SYT10: variants seen among roughly 807,000 people sequenced by gnomAD.
The protein encoded by SYT10 is synaptotagmin 10.
Under a neutral mutation model 51.1 loss-of-function variants are expected in SYT10, and 31 were observed. The observed-to-expected ratio is 0.61, with a 90% CI of 0.46 to 0.82. The LOEUF is 0.82. Among genes scored for constraint, SYT10 ranks in the 40% least tolerant of loss-of-function variants. The probability of loss-of-function intolerance (pLI) is 0.00; values close to 1 mark genes in which losing one functional copy is unlikely to be tolerated. For missense variants in SYT10, 603 were observed against 634.0 expected (o/e 0.95, Z 0.53); for synonymous variants, 233 against 225.9 (o/e 1.03, Z -0.28).
At chr12:33,412,703 C>T (rs1866417444) in intron 2 of SYT10, among the ~76,000 whole-genome samples, 1 of 152,022 alleles carries the variant, frequency 6.6e-6, no homozygotes, top group African/African-American at 2.4e-5. Context: ...TCATCAAAGA[C>T]CAAAGGTAGA....
intron 2 of SYT10, among the ~76,000 whole-genome samples, chr12:33,422,221 A>G (rs1433568099): frequency 6.6e-6 from 1 of 152,206 alleles, no homozygotes; most frequent in African/African-American, 2.4e-5. Flanking sequence ...GTATAATCAT[A>G]GTATAACAGC....
intron 2 of SYT10, chr12:33,407,658 T>C (rs1866370744): frequency 6.9e-6 from 2 of 291,488 alleles, no homozygotes; most frequent in Admixed American, 9.6e-5. Context: ...CTAGCTGGAG[T>C]ACGGTAGTGC....
chr12:33,429,546 C>A (rs1866580604), intron 1 of SYT10, among the ~76,000 whole-genome samples: 1 of 152,060 alleles, frequency 6.6e-6, no homozygotes, highest in African/African-American at 2.4e-5. Flanking sequence ...GGTGTAGGGG[C>A]AAAGAGACAA....
chr12:33,422,289 G>GT (rs1387573292), intron 2 of SYT10, among the ~76,000 whole-genome samples: 1 of 151,874 alleles, frequency 6.6e-6, no homozygotes, highest in Non-Finnish European at 1.5e-5. Context: ...GCCACTTAAT[G>GT]TTTTTTTACA....
At chr12:33,429,304 T>A (rs1470706542) in intron 1 of SYT10, among the ~76,000 whole-genome samples, 5 of 152,214 alleles carry the variant, frequency 3.3e-5, no homozygotes, top group Non-Finnish European at 7.3e-5. Flanking sequence ...TATTTTTCTC[T>A]CCAAAGGAGG....
At chr12:33,417,220 G>C (rs1052594499) in intron 2 of SYT10, among the ~76,000 whole-genome samples, 9 of 152,108 alleles carry the variant, frequency 5.9e-5, no homozygotes, top group Non-Finnish European at 1.3e-4. Flanking sequence ...GATATGACTA[G>C]GGCATAAGGG....
chr12:33,402,958 T>G (rs992825834), intron 3 of SYT10, among the ~76,000 whole-genome samples: 1 of 151,996 alleles, frequency 6.6e-6, no homozygotes, highest in African/African-American at 2.4e-5. Flanking sequence ...AATATGATAA[T>G]AAAGCAAGTC....
At chr12:33,423,023 G>A (rs1866519078) in intron 2 of SYT10, among the ~76,000 whole-genome samples, 1 of 152,178 alleles carries the variant, frequency 6.6e-6, no homozygotes, top group African/African-American at 2.4e-5. Flanking sequence ...AAGAATATTA[G>A]TAATGAAGAA....
At chr12:33,425,728 C>T (rs373631602) in intron 2 of SYT10, among the ~76,000 whole-genome samples, 1 of 151,896 alleles carries the variant, frequency 6.6e-6, no homozygotes, top group African/African-American at 2.4e-5. Context: ...AGAGCCTCCA[C>T]GATATGCATT....
chr12:33,409,273 G>A (rs1261946540), intron 2 of SYT10, among the ~76,000 whole-genome samples: 1 of 152,014 alleles, frequency 6.6e-6, no homozygotes, highest in East Asian at 1.9e-4. Context: ...CTGGAGTGCA[G>A]TGACACAATC....
intron 3 of SYT10, among the ~76,000 whole-genome samples, chr12:33,395,931 G>A (rs1243396208): frequency 2.0e-5 from 3 of 152,212 alleles, no homozygotes; most frequent in South Asian, 2.1e-4. Context: ...CATTCAGGGC[G>A]AACAGCTGAA....
chr12:33,398,777 T>C (rs1046828085), intron 3 of SYT10, among the ~76,000 whole-genome samples: 5 of 152,204 alleles, frequency 3.3e-5, no homozygotes, highest in Non-Finnish European at 2.9e-5. Flanking sequence ...TTTACAAATA[T>C]CTGACTGTGC....
chr12:33,409,080 G>C (rs977450261), intron 2 of SYT10, among the ~76,000 whole-genome samples: 4 of 151,510 alleles, frequency 2.6e-5, no homozygotes, highest in Non-Finnish European at 5.9e-5. Flanking sequence ...CCCAGTCAGT[G>C]CACCCTCAGA....
At chr12:33,405,132 G>C (rs1591989392) in intron 3 of SYT10, 1 of 151,976 alleles carries the variant, frequency 6.6e-6, no homozygotes, top group Non-Finnish European at 1.5e-5. Context: ...CTTTTTTATA[G>C]AAATGTGTTT....
At chr12:33,400,369 G>C (rs1306212028) in intron 3 of SYT10, among the ~76,000 whole-genome samples, 1 of 152,094 alleles carries the variant, frequency 6.6e-6, no homozygotes, top group Non-Finnish European at 1.5e-5. Context: ...AGCTCAGCAG[G>C]TGCATCCAAT....
At position 33,385,232 on chromosome 12, in the gene SYT10, A is replaced by T. The variant is rs1347980475; in HGVS notation, c.1137T>A (p.Arg379=). The T allele has an allele frequency of 6.2e-7, 1 of 1,613,772 alleles. No homozygotes were observed. Among genetic ancestry groups the T allele is most frequent in the East Asian group, 2.2e-5 (1 of 44,858 alleles). Residue 379 remains arginine (R), a synonymous_variant, in exon 4 of 7, where the codon CGT becomes CGA. Transcript: ENST00000228567. ...FSLCYLPTAG[R]MTLTVIKCRN... ...TGCACTTAATGACTGTCAATGTCAT[A>T]CGCCCAGCCGTCGGTAGGTAACAAA...
chr12:33,422,154 G>GAAAATTTT (rs1475396340), intron 2 of SYT10, among the ~76,000 whole-genome samples: 4 of 151,810 alleles, frequency 2.6e-5, no homozygotes, highest in East Asian at 3.9e-4. Flanking sequence ...GCCTAAGAAA[G>GAAAATTTT]CAGCATAGAA....
intron 6 of SYT10, among the ~76,000 whole-genome samples, chr12:33,377,458 A>G (rs1866073149): frequency 6.6e-6 from 1 of 152,150 alleles, no homozygotes; most frequent in Admixed American, 6.5e-5. Context: ...ACTGCATTCC[A>G]CTTGCTTTAA....
At chr12:33,423,788 G>A in intron 2 of SYT10, 5 of 367,824 alleles carry the variant, frequency 1.4e-5, no homozygotes, top group South Asian at 8.4e-5. Context: ...CTTAATATGT[G>A]TTCATCCATC....
Sources: gnomAD v4.1 joint callset for allele counts (sites outside exome capture counted in the v4.1 genomes callset) on GRCh38, gnomAD v4.1.1 for gene constraint, MANE v1.5 for transcripts, NCBI Gene and HGNC (gene_info 2026-07-23, HGNC 2026-07-21) for gene names.